BRINP3: variants seen among roughly 807,000 people sequenced by gnomAD.
The protein encoded by BRINP3 is BMP/retinoic acid-inducible neural-specific protein 3.
Under a neutral mutation model 71.0 loss-of-function variants are expected in BRINP3, and 19 were observed. The ratio of observed to expected loss-of-function variants is 0.27; its 90% CI spans 0.19 to 0.39. BRINP3 has a LOEUF of 0.39. Ranked by LOEUF, BRINP3 falls within the 10% of genes least tolerant of loss-of-function variation. The probability of loss-of-function intolerance (pLI) is 1.00; values close to 1 mark genes in which losing one functional copy is unlikely to be tolerated. For synonymous variants in BRINP3, 380 were observed against 337.7 expected (o/e 1.13, Z -1.37); for missense variants, 959 against 940.8 (o/e 1.02, Z -0.25).
chr1:190,104,659 CTTT>C, intron 7 of BRINP3, among the ~76,000 whole-genome samples: 1 of 152,084 alleles, frequency 6.6e-6, no homozygotes, highest in South Asian at 2.1e-4. Flanking sequence ...TGTATGACTT[CTTT>C]GTGATCCTTT....
rs148596335 is a variant in BRINP3, at chr1:190,184,443, A to C, written c.962-23553T>G. Among the ~76,000 whole-genome samples, 12 of 152,250 alleles carry C rather than the reference A, an allele frequency of 7.9e-5. No homozygotes were observed. The East Asian group carries it at 2.3e-3, about 29-fold the overall frequency. The stretch of plus-strand genomic sequence containing the variant: ...AGACACATGCACTCATATGTTCATC[A>C]CAACACCTTTCACAATAGCTCAGAC... On this transcript the variant is annotated intron_variant, in intron 6 of 7. Coordinates refer to ENST00000367462, the MANE Select transcript of BRINP3 (RefSeq NM_199051.3).
intron 6 of BRINP3, among the ~76,000 whole-genome samples, chr1:190,220,738 A>G (rs1656810866): frequency 6.6e-6 from 1 of 152,100 alleles, no homozygotes; most frequent in South Asian, 2.1e-4. Context: ...AATGGAGAGA[A>G]TTTACCACCA....
At chr1:190,405,057 G>A (rs1672171182) in intron 2 of BRINP3, among the ~76,000 whole-genome samples, 1 of 152,084 alleles carries the variant, frequency 6.6e-6, no homozygotes, top group Admixed American at 6.6e-5. Flanking sequence ...TTATGGAAGT[G>A]GTTAGAAAGT....
At chr1:190,165,969 A>AT (rs1222043163) in intron 6 of BRINP3, among the ~76,000 whole-genome samples, 1 of 152,122 alleles carries the variant, frequency 6.6e-6, no homozygotes, top group African/African-American at 2.4e-5. Context: ...GAACTGGTAG[A>AT]TTTTTTACTT....
intron 4 of BRINP3, among the ~76,000 whole-genome samples, chr1:190,241,269 T>C (rs1172614426): frequency 1.3e-5 from 2 of 152,126 alleles, no homozygotes; most frequent in African/African-American, 4.8e-5. Context: ...CATCTCATTA[T>C]ATAAAAGAGA....
At chr1:190,218,876 A>G (rs1295351251) in intron 6 of BRINP3, among the ~76,000 whole-genome samples, 1 of 152,218 alleles carries the variant, frequency 6.6e-6, no homozygotes, top group East Asian at 1.9e-4. Context: ...TTCATTGTGT[A>G]ATTTGTGTTA....
chr1:190,277,118 T>TATATATATATATATATATATATATATA (rs376769940), intron 3 of BRINP3, among the ~76,000 whole-genome samples: 3 of 128,568 alleles, frequency 2.3e-5, no homozygotes, highest in Non-Finnish European at 3.4e-5. Flanking sequence ...TATATATATA[T>TATATATATATATATATATATATATATA]TTATATTCAG....
chr1:190,134,382 T>C (rs926805898), intron 7 of BRINP3, among the ~76,000 whole-genome samples: 6 of 152,066 alleles, frequency 3.9e-5, no homozygotes, highest in African/African-American at 1.2e-4. Context: ...AGGATTATGT[T>C]AGTCGTAAGA....
intron 2 of BRINP3, among the ~76,000 whole-genome samples, chr1:190,289,855 A>T (rs1440322370): frequency 6.6e-6 from 1 of 151,982 alleles, no homozygotes; most frequent in African/African-American, 2.4e-5. Flanking sequence ...CTCGTGGCAC[A>T]ATTTTCTTTT....
intron 2 of BRINP3, among the ~76,000 whole-genome samples, chr1:190,305,248 T>G (rs1665013650): frequency 6.6e-6 from 1 of 151,968 alleles, no homozygotes; most frequent in East Asian, 1.9e-4. Context: ...ATTCCACTCC[T>G]GGGTAACTAT....
Position 190,290,910 on chromosome 1 carries a change from C to A in BRINP3, c.237-9160G>T, listed in dbSNP as rs570573369. ...GTGAGTGTTTGTGTGTGTGTGTGCACGTGTGTGTGTGTGTATTTGTGGGAA... is the reference window on the plus strand; with the variant it reads ...GTGAGTGTTTGTGTGTGTGTGTGCAAGTGTGTGTGTGTGTATTTGTGGGAA... On this transcript the variant is annotated intron_variant, in intron 2 of 7. Coordinates refer to ENST00000367462, the MANE Select transcript of BRINP3 (RefSeq NM_199051.3). 4.0e-5 allele frequency among the ~76,000 whole-genome samples: 6 copies of A among 149,390 alleles called. No individual in the cohort carries two copies. The South Asian group carries it at 1.1e-3, about 26-fold the overall frequency.
chr1:190,222,482 C>T (rs1656979255), intron 6 of BRINP3, among the ~76,000 whole-genome samples: 1 of 151,614 alleles, frequency 6.6e-6, no homozygotes, highest in Non-Finnish European at 1.5e-5. Flanking sequence ...TAACAATGAA[C>T]CTCAACGAAC....
At chr1:190,109,698 G>A (rs1331248982) in intron 7 of BRINP3, among the ~76,000 whole-genome samples, 1 of 152,224 alleles carries the variant, frequency 6.6e-6, no homozygotes, top group Non-Finnish European at 1.5e-5. Context: ...CAAAATGTCA[G>A]AGGAAAAGCA....
chr1:190,438,435 T>C (rs1024853466), intron 2 of BRINP3, among the ~76,000 whole-genome samples: 21 of 151,492 alleles, frequency 1.4e-4, no homozygotes, highest in African/African-American at 5.1e-4. Context: ...GGTCACACAA[T>C]TAACAAAATT....
chr1:190,376,475 A>G (rs1239263732), intron 2 of BRINP3, among the ~76,000 whole-genome samples: 1 of 151,982 alleles, frequency 6.6e-6, no homozygotes, highest in Non-Finnish European at 1.5e-5. Context: ...TTGTGTTGTG[A>G]CTTAGTATGC....
At chr1:190,316,233 C>T (rs1178193029) in intron 2 of BRINP3, among the ~76,000 whole-genome samples, 1 of 152,118 alleles carries the variant, frequency 6.6e-6, no homozygotes, top group Non-Finnish European at 1.5e-5. Context: ...GTTACAGTAG[C>T]TAATGTAACC....
In BRINP3 at chr1:190,194,952, T is replaced by C. The variant is rs371317893; in HGVS notation, c.961+31130A>G. On this transcript the variant is annotated intron_variant, in intron 6 of 7. Transcript: ENST00000367462. ...GTCACTTGTTTTGGGAAAAACAATATGTTAAACTATGTTTACAAGGTTACT... is the reference window on the plus strand; with the variant it reads ...GTCACTTGTTTTGGGAAAAACAATACGTTAAACTATGTTTACAAGGTTACT... Among the ~76,000 whole-genome samples the C allele has an allele frequency of 2.9e-4, 44 of 152,232 alleles. 1 individual carries two copies. The East Asian group carries it at 4.4e-3, about 15-fold the overall frequency.
chr1:190,422,782 G>T (rs1673467205), intron 2 of BRINP3, among the ~76,000 whole-genome samples: 1 of 151,782 alleles, frequency 6.6e-6, no homozygotes, highest in Non-Finnish European at 1.5e-5. Context: ...AATATTTTTA[G>T]ATTTAAGCAT....
At chr1:190,252,968 T>A (rs1389280802) in intron 4 of BRINP3, among the ~76,000 whole-genome samples, 1 of 152,030 alleles carries the variant, frequency 6.6e-6, no homozygotes, top group Non-Finnish European at 1.5e-5. Context: ...GGTGTGATGT[T>A]CCCTGCCCTT....
Sources: allele counts gnomAD v4.1 joint callset (sites outside exome capture counted in the v4.1 genomes callset), GRCh38; gene constraint gnomAD v4.1.1; transcripts MANE v1.5; gene names NCBI Gene and HGNC (gene_info 2026-07-23, HGNC 2026-07-21).